KCNMA1: variants seen among roughly 807,000 people sequenced by gnomAD.
KCNMA1 encodes potassium calcium-activated channel subfamily M alpha 1.
A neutral mutation model predicts 140.0 loss-of-function variants in KCNMA1; 29 were observed. The observed-to-expected ratio is 0.21, with a 90% CI of 0.15 to 0.28. The LOEUF (loss-of-function observed/expected upper bound fraction) is 0.28, where lower values mean the gene tolerates loss of function less well. Ranked by LOEUF, KCNMA1 falls within the 10% of genes least tolerant of loss-of-function variation. The pLI is 1.00. For synonymous variants in KCNMA1, 612 were observed against 611.9 expected, an observed-to-expected ratio of 1.00 and a Z score of 0.00; for missense variants, 880 against 1,602.2, an observed-to-expected ratio of 0.55 and a Z score of 7.70.
intron 3 of KCNMA1, among the ~76,000 whole-genome samples, chr10:77,228,499 A>G (rs2052362193): frequency 6.6e-6 from 1 of 152,204 alleles, no homozygotes; most frequent in Non-Finnish European, 1.5e-5. Context: ...AGAGATAAAC[A>G]AAGAGTCTCT....
intron 1 of KCNMA1, among the ~76,000 whole-genome samples, chr10:77,542,299 G>A (rs2060366864): frequency 6.6e-6 from 1 of 152,166 alleles, no homozygotes; most frequent in Non-Finnish European, 1.5e-5. Context: ...AGGAAGAATT[G>A]GCATAAAGAG....
At chr10:77,237,061 TTACAA>T (rs1357130943) in intron 3 of KCNMA1, among the ~76,000 whole-genome samples, 18 of 152,258 alleles carry the variant, frequency 1.2e-4, no homozygotes, top group Admixed American at 3.3e-4. Flanking sequence ...CTTTACTGCC[TTACAA>T]TACATCTTAT....
At chr10:77,550,192 C>T (rs1383197336) in intron 1 of KCNMA1, among the ~76,000 whole-genome samples, 4 of 152,182 alleles carry the variant, frequency 2.6e-5, no homozygotes, top group Non-Finnish European at 5.9e-5. Flanking sequence ...CAGGAGCGCA[C>T]TGGATGGGAG....
Position 77,108,029 on chromosome 10 carries a change from A to G in KCNMA1, c.1223+452T>C, listed in dbSNP as rs991412564. 2.0e-5 allele frequency among the ~76,000 whole-genome samples: 3 copies of G among 152,206 alleles called. No homozygotes were observed. The highest frequency in any genetic ancestry group is 2.0e-4 in the Admixed American group (3 of 15,280). ...GTTTTGTTTACTTGTTAGGGGTCAG[A>G]AGAGAAAATATGGGCCCAGTTATAA... On this transcript the variant is annotated intron_variant, in intron 9 of 27. Transcript: ENST00000286628. This position sits in a 1 kb window ranked among gnomAD's most constrained non-coding sequence, Gnocchi z 4.6.
chr10:77,011,296 A>G (rs896728389), intron 18 of KCNMA1, among the ~76,000 whole-genome samples: 2 of 152,152 alleles, frequency 1.3e-5, no homozygotes, highest in Non-Finnish European at 2.9e-5. Flanking sequence ...ATCTTTCTCA[A>G]GAGGCCCCAG....
intron 9 of KCNMA1, among the ~76,000 whole-genome samples, chr10:77,107,388 A>C (rs1003388629): frequency 6.6e-6 from 1 of 152,190 alleles, no homozygotes; most frequent in African/African-American, 2.4e-5. Flanking sequence ...CAAGTTCCTC[A>C]CTTTATATGT....
In KCNMA1 at chr10:77,382,959, CGTGT is replaced by C. The variant is rs57049025; in HGVS notation, c.540+20899_540+20902del. On this transcript the variant is annotated intron_variant, in intron 2 of 27. Coordinates refer to ENST00000286628, the MANE Select transcript of KCNMA1 (RefSeq NM_001161352.2). ...ATATATACACATATACATATATATA[CGTGT>C]GTGTGTGTGTGTGTGTGTGTGTGTG... Among the ~76,000 whole-genome samples the C allele has an allele frequency of 3.0e-3, 232 of 76,932 alleles. 5 individuals are homozygous for C. The highest frequency in any genetic ancestry group is 7.6e-3 in the African/African-American group (161 of 21,194). The allele number at this position is 76,932 out of a possible 152,430, so 50.5% of individuals were successfully genotyped here.
rs552367921 is a variant in KCNMA1, at chr10:77,328,943, C to G, written c.540+74919G>C. Among the ~76,000 whole-genome samples the G allele has an allele frequency of 7.9e-5, 12 of 152,182 alleles. No homozygotes were observed. In the South Asian group the frequency reaches 2.5e-3, roughly 32 times the overall value. ...GCAAGCTTCACCTCCTCAGTTCATG[C>G]CATTCTCCTGCCTCAGCCTCCCGAG... is the stretch of plus-strand genomic sequence containing the variant. On this transcript the variant is annotated intron_variant, in intron 2 of 27. Transcript: ENST00000286628.
intron 2 of KCNMA1, among the ~76,000 whole-genome samples, chr10:77,343,321 G>T (rs546213439): frequency 6.6e-6 from 1 of 152,290 alleles, no homozygotes; most frequent in Admixed American, 6.5e-5. Flanking sequence ...CATGTGATAG[G>T]TATTGCCATT....
At chr10:77,213,661 A>G (rs2046821835) in intron 3 of KCNMA1, among the ~76,000 whole-genome samples, 1 of 152,034 alleles carries the variant, frequency 6.6e-6, no homozygotes. Context: ...CATCTTAATC[A>G]CCAGGACATA....
intron 9 of KCNMA1, among the ~76,000 whole-genome samples, chr10:77,101,262 C>T (rs1230262403): frequency 6.6e-6 from 1 of 152,068 alleles, no homozygotes; most frequent in Non-Finnish European, 1.5e-5. Flanking sequence ...GGGTATCTAC[C>T]CCTCAGCACC....
chr10:77,381,367 G>A (rs2154428894), intron 2 of KCNMA1, among the ~76,000 whole-genome samples: 1 of 152,208 alleles, frequency 6.6e-6, no homozygotes. Flanking sequence ...AAAATAGGGG[G>A]AAATTTATAA....
chr10:77,233,030 G>A (rs1241237037), intron 3 of KCNMA1, among the ~76,000 whole-genome samples: 1 of 152,034 alleles, frequency 6.6e-6, no homozygotes, highest in Non-Finnish European at 1.5e-5. Context: ...GGGTTCACAA[G>A]CGTGTGCCAC....
At chr10:77,145,972 T>C (rs564885067) in intron 5 of KCNMA1, among the ~76,000 whole-genome samples, 4 of 152,272 alleles carry the variant, frequency 2.6e-5, no homozygotes, top group South Asian at 2.1e-4. Context: ...TGAATTAATA[T>C]CTATAACGGT....
chr10:76,960,928 C>T (rs186245276), intron 20 of KCNMA1, among the ~76,000 whole-genome samples: 4 of 151,972 alleles, frequency 2.6e-5, no homozygotes, highest in Admixed American at 1.3e-4. Flanking sequence ...TCACTGATAA[C>T]GCACCCAATT....
intron 12 of KCNMA1, among the ~76,000 whole-genome samples, chr10:77,082,873 C>T (rs1195107696): frequency 6.6e-6 from 1 of 152,134 alleles, no homozygotes; most frequent in Non-Finnish European, 1.5e-5. Context: ...ATGTTGCCTG[C>T]CAGACACAAG....
intron 1 of KCNMA1, among the ~76,000 whole-genome samples, chr10:77,509,619 C>T (rs1459037048): frequency 3.3e-5 from 5 of 152,176 alleles, no homozygotes; most frequent in Non-Finnish European, 5.9e-5. Flanking sequence ...CAGCAATGGA[C>T]AAGGGTTCCA....
intron 1 of KCNMA1, among the ~76,000 whole-genome samples, chr10:77,603,657 AC>A (rs1376505694): frequency 6.6e-6 from 1 of 151,980 alleles, no homozygotes; most frequent in East Asian, 1.9e-4. Flanking sequence ...ACACCCAACC[AC>A]CTGCCCCATT....
intron 1 of KCNMA1, among the ~76,000 whole-genome samples, chr10:77,506,321 T>A (rs1358838334): frequency 1.3e-5 from 2 of 152,084 alleles, no homozygotes; most frequent in Non-Finnish European, 2.9e-5. Context: ...GGGTTCAACC[T>A]AAGGGAGCCC....
Sources: gnomAD v4.1 joint callset for allele counts (sites outside exome capture counted in the v4.1 genomes callset) on GRCh38, gnomAD v4.1.1 for gene constraint, Gnocchi (gnomAD v3.1) non-coding constraint, MANE v1.5 for transcripts, NCBI Gene and HGNC (gene_info 2026-07-23, HGNC 2026-07-21) for gene names.